LDAH: variants seen among roughly 807,000 people sequenced by gnomAD.
LDAH encodes the protein lipid droplet associated hydrolase.
In LDAH, 26 loss-of-function variants were observed where a neutral mutation model predicts 29.6. The observed-to-expected ratio is 0.88, with a 90% CI of 0.64 to 1.22. The LOEUF (loss-of-function observed/expected upper bound fraction) is 1.22, where lower values mean the gene tolerates loss of function less well. Ranked by LOEUF, LDAH falls within the 50% of genes most tolerant of loss-of-function variation. The pLI is 0.00. For missense variants in LDAH, 344 were observed against 387.3 expected (o/e 0.89, Z 0.94); for synonymous variants, 117 against 133.0 (o/e 0.88, Z 0.83).
Position 20,783,403 on chromosome 2 carries a change from G to A in LDAH, c.298+6852C>T, listed in dbSNP as rs373005884. Among the ~76,000 whole-genome samples, 38 of 152,284 alleles carry A rather than the reference G, an allele frequency of 2.5e-4. No homozygotes were observed. In the South Asian group the frequency reaches 7.7e-3, roughly 31 times the overall value. ...CTGGATCTATTCATTACAGAAAAAG[G>A]ATTGCTGATGTTTCCACTTATAATA... On this transcript the variant is annotated intron_variant, in intron 3 of 6. Transcript: ENST00000237822.
intron 6 of LDAH, among the ~76,000 whole-genome samples, chr2:20,692,859 TGA>T (rs1210749010): frequency 6.6e-6 from 1 of 152,222 alleles, no homozygotes; most frequent in Non-Finnish European, 1.5e-5. Flanking sequence ...GGTGTCATGC[TGA>T]GAGTGAAAGG....
At chr2:20,784,354 T>C (rs934781901) in intron 3 of LDAH, among the ~76,000 whole-genome samples, 3 of 152,004 alleles carry the variant, frequency 2.0e-5, no homozygotes, top group Non-Finnish European at 4.4e-5. Context: ...CTACAGTTAG[T>C]CTCGTTGGCA....
At chr2:20,793,220 G>A (rs1450869108) in intron 2 of LDAH, among the ~76,000 whole-genome samples, 2 of 152,240 alleles carry the variant, frequency 1.3e-5, no homozygotes, top group South Asian at 2.1e-4. Context: ...GAGATAAAGA[G>A]TGTGAGAACT....
At chr2:20,790,977 T>C (rs559434393) in intron 2 of LDAH, among the ~76,000 whole-genome samples, 25 of 152,316 alleles carry the variant, frequency 1.6e-4, no homozygotes, top group African/African-American at 6.0e-4. Context: ...GGGATTTTCA[T>C]CTTGTAATCA....
intron 4 of LDAH, among the ~76,000 whole-genome samples, chr2:20,762,558 C>T (rs1668764174): frequency 6.6e-6 from 1 of 152,148 alleles, no homozygotes; most frequent in Non-Finnish European, 1.5e-5. Flanking sequence ...GAGGTTCATT[C>T]ATCAAATGAA....
intron 5 of LDAH, among the ~76,000 whole-genome samples, chr2:20,718,395 CA>C (rs1174098280): frequency 6.6e-6 from 1 of 151,572 alleles, no homozygotes; most frequent in South Asian, 2.1e-4. Flanking sequence ...GACTTTAAGT[CA>C]AAAACTATAA....
At chr2:20,755,515 G>C (rs1572556294) in intron 4 of LDAH, among the ~76,000 whole-genome samples, 1 of 152,144 alleles carries the variant, frequency 6.6e-6, no homozygotes, top group Non-Finnish European at 1.5e-5. Flanking sequence ...GTTCACAGAT[G>C]GATCCAAGAC....
At chr2:20,728,984 G>A (rs1401171949) in intron 5 of LDAH, among the ~76,000 whole-genome samples, 2 of 152,230 alleles carry the variant, frequency 1.3e-5, no homozygotes, top group African/African-American at 2.4e-5. Flanking sequence ...ATGAAGACAT[G>A]TAGCTGAATG....
chr2:20,764,937 A>G (rs1668928695), intron 4 of LDAH, among the ~76,000 whole-genome samples: 1 of 152,226 alleles, frequency 6.6e-6, no homozygotes, highest in Non-Finnish European at 1.5e-5. Context: ...AACACGTTTT[A>G]TAAATTTCAA....
rs186442972 is a variant in LDAH, at chr2:20,748,095, A to G, written c.469-7890T>C. On this transcript the variant is annotated intron_variant, in intron 4 of 6. Coordinates refer to ENST00000237822, the MANE Select transcript of LDAH (RefSeq NM_021925.4). The stretch of plus-strand genomic sequence containing the variant: ...GTGTCTCAAATCATTTAGCTCCAGA[A>G]ATAATTAAATCCATATCCTAAGAAG... 7.2e-5 allele frequency among the ~76,000 whole-genome samples: 11 copies of G among 152,346 alleles called. No individual in the cohort carries two copies. The East Asian group carries it at 2.1e-3, about 29-fold the overall frequency.
intron 5 of LDAH, among the ~76,000 whole-genome samples, chr2:20,714,589 A>G (rs1294380658): frequency 6.6e-6 from 1 of 152,224 alleles, no homozygotes. Flanking sequence ...CAATGAATCC[A>G]GGAGCTGGTT....
At chr2:20,723,407 A>G (rs1276614387) in intron 5 of LDAH, among the ~76,000 whole-genome samples, 1 of 152,150 alleles carries the variant, frequency 6.6e-6, no homozygotes, top group Non-Finnish European at 1.5e-5. Flanking sequence ...TTGTTTTGTG[A>G]TAATTCATGA....
intron 3 of LDAH, among the ~76,000 whole-genome samples, chr2:20,781,399 T>A (rs568411940): frequency 1.3e-5 from 2 of 152,248 alleles, no homozygotes; most frequent in Non-Finnish European, 1.5e-5. Context: ...CTTTCAACAT[T>A]TGATGTGTGG....
At chr2:20,731,884 T>A (rs1666434590) in intron 5 of LDAH, among the ~76,000 whole-genome samples, 1 of 151,916 alleles carries the variant, frequency 6.6e-6, no homozygotes, top group Non-Finnish European at 1.5e-5. Flanking sequence ...TTTGATATAT[T>A]TTTATTCCCT....
intron 5 of LDAH, among the ~76,000 whole-genome samples, chr2:20,720,790 C>T (rs1398786429): frequency 6.6e-6 from 1 of 152,106 alleles, no homozygotes; most frequent in African/African-American, 2.4e-5. Flanking sequence ...AAAGCAGACA[C>T]AGACCAATGG....
chr2:20,726,433 C>T (rs987617612), intron 5 of LDAH, among the ~76,000 whole-genome samples: 1 of 152,140 alleles, frequency 6.6e-6, no homozygotes, highest in African/African-American at 2.4e-5. Flanking sequence ...CATGAGCAGC[C>T]CCACATGCCA....
intron 4 of LDAH, among the ~76,000 whole-genome samples, chr2:20,745,513 G>C (rs1018852709): frequency 3.5e-4 from 54 of 152,240 alleles, no homozygotes; most frequent in African/African-American, 1.1e-3. Context: ...CAGTAGAATA[G>C]ATTTCAAGTG....
In LDAH at chr2:20,701,623, T is replaced by C. The variant is rs922842619; in HGVS notation, c.733A>G (p.Met245Val). The C allele has an allele frequency of 6.8e-6, 11 of 1,614,002 alleles. No individual in the cohort carries two copies. Among genetic ancestry groups the C allele is most frequent in the Admixed American group, 3.3e-5 (2 of 60,012 alleles). Residue 245 changes from methionine to valine, a missense_variant, in exon 6 of 7, where the codon ATG (methionine) becomes GTG (valine). Met to Val is a conservative substitution (Grantham distance 21). Coordinates refer to ENST00000237822, the MANE Select transcript of LDAH (RefSeq NM_021925.4). ...ANAAYLGGQE[M>V]MEVVKRDDET... ...TCATCTCTCTTCACCACCTCCATCA[T>C]TTCTTGGCCCCCAAGGTAGGCAGCA...
intron 3 of LDAH, among the ~76,000 whole-genome samples, 195 bp downstream of exon 3, chr2:20,790,060 T>C (rs1349902302): frequency 3.3e-5 from 5 of 152,230 alleles, no homozygotes; most frequent in African/African-American, 9.6e-5. Context: ...TTGTTTTATC[T>C]ACCCATATTC....
Sources: allele counts gnomAD v4.1 joint callset (sites outside exome capture counted in the v4.1 genomes callset), GRCh38; gene constraint gnomAD v4.1.1; transcripts MANE v1.5; gene names NCBI Gene and HGNC (gene_info 2026-07-23, HGNC 2026-07-21).